HHAT: variants seen among roughly 807,000 people sequenced by gnomAD.
The protein encoded by HHAT is protein-cysteine N-palmitoyltransferase HHAT.
HHAT carries 47 observed loss-of-function variants against 70.8 expected under a neutral mutation model. The ratio of observed to expected loss-of-function variants is 0.66; its 90% CI spans 0.53 to 0.85. The LOEUF is 0.85. Among genes scored for constraint, HHAT ranks in the 40% least tolerant of loss-of-function variants. The pLI is 0.00. For synonymous variants in HHAT, 228 were observed against 247.6 expected, an observed-to-expected ratio of 0.92 and a Z score of 0.74; for missense variants, 609 against 604.8, an observed-to-expected ratio of 1.01 and a Z score of -0.07.
intron 10 of HHAT, among the ~76,000 whole-genome samples, chr1:210,622,873 C>T (rs1035330797): frequency 6.6e-6 from 1 of 152,168 alleles, no homozygotes; most frequent in African/African-American, 2.4e-5. Flanking sequence ...TTATCACAGA[C>T]AGCAGTTTGA....
intron 8 of HHAT, among the ~76,000 whole-genome samples, chr1:210,502,506 A>T (rs1024633134): frequency 6.6e-6 from 1 of 152,136 alleles, no homozygotes; most frequent in African/African-American, 2.4e-5. Flanking sequence ...TTAGTGAGGC[A>T]ATCTGAGTTT....
intron 9 of HHAT, among the ~76,000 whole-genome samples, chr1:210,586,938 C>T (rs1335743688): frequency 6.6e-6 from 1 of 152,180 alleles, no homozygotes; most frequent in African/African-American, 2.4e-5. Context: ...TGCATTTTGT[C>T]TGGTACTTTG....
chr1:210,369,359 G>A (rs550684150), intron 3 of HHAT, among the ~76,000 whole-genome samples: 10 of 152,328 alleles, frequency 6.6e-5, no homozygotes, highest in African/African-American at 2.4e-4. Flanking sequence ...AGGAGGCTTA[G>A]GAAGAAGAGA....
At chr1:210,334,129 C>G (rs1004620435) in intron 1 of HHAT, among the ~76,000 whole-genome samples, 10 of 145,778 alleles carry the variant, frequency 6.9e-5, no homozygotes, top group African/African-American at 2.3e-4. Flanking sequence ...TACAACCCTA[C>G]TTAGTGGTTG....
chr1:210,668,640 CAT>C (rs1178596435), intron 11 of HHAT, among the ~76,000 whole-genome samples: 1 of 152,188 alleles, frequency 6.6e-6, no homozygotes. Flanking sequence ...CCCAGTCTTG[CAT>C]ATGTCTTTAT....
At chr1:210,562,851 T>C (rs1208265788) in intron 9 of HHAT, among the ~76,000 whole-genome samples, 1 of 124,132 alleles carries the variant, frequency 8.1e-6, no homozygotes, top group South Asian at 2.8e-4. Context: ...TTCCCCTTCC[T>C]GTGTCCATGT....
intron 7 of HHAT, among the ~76,000 whole-genome samples, chr1:210,463,904 A>G (rs2094036589): frequency 6.6e-6 from 1 of 152,162 alleles, no homozygotes; most frequent in East Asian, 1.9e-4. Flanking sequence ...GTGGGTGCAT[A>G]GTAGATGTGT....
At chr1:210,629,967 C>T (rs540821874) in intron 11 of HHAT, among the ~76,000 whole-genome samples, 29 of 152,058 alleles carry the variant, frequency 1.9e-4, no homozygotes, top group African/African-American at 6.3e-4. Context: ...TTCAGCCTCC[C>T]GAGTAGCTGG....
At chr1:210,461,421 C>T (rs1459994907) in intron 7 of HHAT, among the ~76,000 whole-genome samples, 1 of 152,210 alleles carries the variant, frequency 6.6e-6, no homozygotes, top group Non-Finnish European at 1.5e-5. Context: ...GCCTCAGCCT[C>T]CTGAGTAGCT....
intron 2 of HHAT, among the ~76,000 whole-genome samples, chr1:210,351,666 C>T (rs2087035862): frequency 6.6e-6 from 1 of 152,210 alleles, no homozygotes; most frequent in Non-Finnish European, 1.5e-5. Context: ...GGGTGGCTCA[C>T]TCACGTGGCT....
intron 10 of HHAT, among the ~76,000 whole-genome samples, chr1:210,619,607 C>A (rs1441842229): frequency 6.6e-6 from 1 of 152,130 alleles, no homozygotes; most frequent in Non-Finnish European, 1.5e-5. Context: ...GCTCTGCTGA[C>A]CTTTTGGGCA....
intron 7 of HHAT, among the ~76,000 whole-genome samples, chr1:210,455,431 G>GT (rs533126555): frequency 8.7e-4 from 132 of 152,076 alleles, no homozygotes; most frequent in Non-Finnish European, 1.4e-3. Context: ...CGTTCCCTTT[G>GT]TTTTTTTGGT....
At chr1:210,352,162 A>C (rs1276588884) in intron 2 of HHAT, among the ~76,000 whole-genome samples, 1 of 152,194 alleles carries the variant, frequency 6.6e-6, no homozygotes, top group African/African-American at 2.4e-5. Flanking sequence ...TGCGGATAGT[A>C]CAAAACTTTT....
rs893771521 is a variant in HHAT, at chr1:210,506,505, G to A, written c.1008-6648G>A. 3.3e-5 allele frequency among the ~76,000 whole-genome samples: 5 copies of A among 152,260 alleles called. No individual in the cohort carries two copies. In the East Asian group the frequency reaches 7.7e-4, roughly 24 times the overall value. ...CAAGATTTTCTGTTTTTAATTTCTG[G>A]AAGGAGCTAAGAATAATATGTACAG... On this transcript the variant is annotated intron_variant, in intron 8 of 11. Transcript: ENST00000261458.
chr1:210,398,101 C>T (rs1422801894), intron 4 of HHAT, among the ~76,000 whole-genome samples: 2 of 152,238 alleles, frequency 1.3e-5, no homozygotes, highest in South Asian at 2.1e-4. Flanking sequence ...CAGGTTCAAG[C>T]GATTCTCCTC....
chr1:210,346,798 T>C (rs1014331090), intron 1 of HHAT, among the ~76,000 whole-genome samples: 1 of 152,256 alleles, frequency 6.6e-6, no homozygotes, highest in Admixed American at 6.5e-5. Context: ...TCTGAGTAAC[T>C]GTACACTGGC....
rs151133166 is a variant in HHAT at position 210,373,982 on chromosome 1, TAC to T, written c.159+11067_159+11068del. On this transcript the variant is annotated intron_variant, in intron 3 of 11. Coordinates refer to ENST00000261458, the MANE Select transcript of HHAT (RefSeq NM_018194.6). ...CAAGTCAGATGTCACCAGGGAAAGT[TAC>T]ACAGACTTTTATCATGCAAGTATTC... 7.7e-3 allele frequency among the ~76,000 whole-genome samples: 1,167 copies of T among 152,318 alleles called. 16 individuals carry two copies. The highest frequency in any genetic ancestry group is 0.026 in the African/African-American group (1,094 of 41,572).
At position 210,384,741 on chromosome 1, in the gene HHAT, G is replaced by C. The variant is rs553316124; in HGVS notation, c.160-2727G>C. Among the ~76,000 whole-genome samples, 86 of 152,266 alleles carry C rather than the reference G, an allele frequency of 5.6e-4. 1 individual carries two copies. The highest frequency in any genetic ancestry group is 5.4e-3 in the Admixed American group (83 of 15,294). ...AACCATGGAGGCAAGAAAGAAAATG[G>C]GGGAAGGGACAGATCATGATGTTGT... On this transcript the variant is annotated intron_variant, in intron 3 of 11. Transcript: ENST00000261458.
intron 9 of HHAT, 40 bp downstream of exon 9, chr1:210,513,228 A>C: frequency 1.1e-6 from 1 of 939,280 alleles, no homozygotes; most frequent in South Asian, 1.4e-5. Context: ...ATTGAATAAC[A>C]TGTCTATTAT....
Sources: gnomAD v4.1 joint callset for allele counts (sites outside exome capture counted in the v4.1 genomes callset) on GRCh38, gnomAD v4.1.1 for gene constraint, MANE v1.5 for transcripts, NCBI Gene and HGNC (gene_info 2026-07-23, HGNC 2026-07-21) for gene names.